RRBP1: variants seen among roughly 807,000 people sequenced by gnomAD.
RRBP1 encodes the protein ribosome binding protein 1, also known as ribosome-binding protein 1.
A neutral mutation model predicts 165.2 loss-of-function variants in RRBP1; 94 were observed. That is an observed-to-expected ratio of 0.57 (90% CI 0.48 to 0.68). The LOEUF is 0.68. Ranked by LOEUF, RRBP1 falls within the 30% of genes least tolerant of loss-of-function variation. RRBP1 has a pLI of 0.00. For missense variants in RRBP1, 1,676 were observed against 1,763.0 expected, an observed-to-expected ratio of 0.95 and a Z score of 0.88; for synonymous variants, 680 against 714.5, an observed-to-expected ratio of 0.95 and a Z score of 0.77.
chr20:17,615,597 C>T (rs1053908138), intron 22 of RRBP1, 68 bp from the exon 23 acceptor site: 14 of 1,343,126 alleles, frequency 1.0e-5, no homozygotes, highest in African/African-American at 3.0e-5. Flanking sequence ...AAGACCCTAC[C>T]GAGCACGCCT....
Position 17,662,672 on chromosome 20 carries a change from C to A in RRBP1, c.-21-2144G>T, listed in dbSNP as rs1019911837. 7.2e-5 allele frequency among the ~76,000 whole-genome samples: 11 copies of A among 152,284 alleles called. 1 individual carries two copies. Among genetic ancestry groups the A allele is most frequent in the Admixed American group, 5.2e-4 (8 of 15,298 alleles). ...ACCAGGAACTGGCCTTCCGAGAACA[C>A]ACTCTCAAGCTGGGTGTTAAAAAGG... On this transcript the variant is annotated intron_variant, in intron 2 of 24. Transcript: ENST00000377813.
At chr20:17,652,269 G>A (rs1347218490) in intron 3 of RRBP1, among the ~76,000 whole-genome samples, 1 of 152,230 alleles carries the variant, frequency 6.6e-6, no homozygotes, top group Non-Finnish European at 1.5e-5. Flanking sequence ...CTAGCCACAT[G>A]TGACTAGTAG....
At chr20:17,667,581 T>G (rs2036895995) in intron 2 of RRBP1, among the ~76,000 whole-genome samples, 2 of 152,222 alleles carry the variant, frequency 1.3e-5, no homozygotes, top group African/African-American at 2.4e-5. Context: ...CTGAATTTCA[T>G]GAATGTCTCC....
At chr20:17,625,357 C>A (rs1336347206) in intron 12 of RRBP1, among the ~76,000 whole-genome samples, 155 bp downstream of exon 12, 27 of 151,976 alleles carry the variant, frequency 1.8e-4, no homozygotes, top group Non-Finnish European at 3.4e-4. Context: ...GTAGAAGCAC[C>A]CCCCACACCC....
At chr20:17,672,666 C>T (rs2036999249) in intron 2 of RRBP1, among the ~76,000 whole-genome samples, 1 of 152,186 alleles carries the variant, frequency 6.6e-6, no homozygotes, top group Non-Finnish European at 1.5e-5. Context: ...AATTCTACTC[C>T]TAGGTATACA....
intron 3 of RRBP1, among the ~76,000 whole-genome samples, chr20:17,648,460 C>A (rs1439837470): frequency 6.6e-6 from 1 of 152,250 alleles, no homozygotes; most frequent in African/African-American, 2.4e-5. Flanking sequence ...CGCTGCTCAG[C>A]GCTCCTGACA....
In RRBP1 at chr20:17,618,630, C is replaced by T. The variant is rs1238923316; in HGVS notation, c.3725G>A (p.Ser1242Asn). 43 of 1,613,928 alleles carry T rather than the reference C, an allele frequency of 2.7e-5. No homozygotes were observed. The highest frequency in any genetic ancestry group is 3.5e-5 in the Non-Finnish European group (41 of 1,180,048). Reference protein sequence around the residue: ...ESQSQLDAAKSEAQKQSDELA... With the variant: ...ESQSQLDAAKNEAQKQSDELA... ...CTCATCGCTCTGTTTCTGGGCTTCG[C>T]TCTTGGCGGCATCGAGCTGAGATTG... Residue 1242 changes from serine (S) to asparagine (N), a missense_variant, in exon 20 of 25, where the codon AGC (serine) becomes AAC (asparagine). Transcript: ENST00000377813.
In RRBP1 at chr20:17,625,535, C is replaced by G. The variant is rs368486221; in HGVS notation, c.3031G>C (p.Glu1011Gln). 3.0e-5 allele frequency: 49 copies of G among 1,613,762 alleles called. No individual in the cohort carries two copies. The highest frequency in any genetic ancestry group is 3.9e-5 in the Non-Finnish European group (46 of 1,179,920). ...ACATTGTTCTTCACTTTCTGCTGCT[C>G]GACGGCCTCCCTGAGCTCGATGGCC... is the stretch of plus-strand genomic sequence containing the variant. ...KEAIELREAV[E>Q]QQKVKNNDLR... Residue 1011 changes from glutamate to glutamine, a missense_variant, in exon 12 of 25, where the codon GAG becomes CAG. Coordinates refer to ENST00000377813, the MANE Select transcript of RRBP1 (RefSeq NM_001365613.2).
chr20:17,650,911 A>G (rs939612675), intron 3 of RRBP1, among the ~76,000 whole-genome samples: 2 of 152,214 alleles, frequency 1.3e-5, no homozygotes, highest in African/African-American at 4.8e-5. Context: ...AAAAACCAAC[A>G]CCACTGCATA....
intron 7 of RRBP1, among the ~76,000 whole-genome samples, chr20:17,634,244 C>T (rs917571419): frequency 6.6e-6 from 1 of 152,204 alleles, no homozygotes; most frequent in Admixed American, 6.5e-5. Flanking sequence ...TGCCTCAAGG[C>T]CAAAGACTGA....
At chr20:17,651,507 G>C (rs1295509974) in intron 3 of RRBP1, among the ~76,000 whole-genome samples, 5 of 152,160 alleles carry the variant, frequency 3.3e-5, no homozygotes, top group African/African-American at 4.8e-5. Flanking sequence ...AGTCATGCTA[G>C]GGAATATTAT....
chr20:17,643,123 G>T lies in RRBP1; in HGVS notation c.1917C>A (p.Pro639=), dbSNP rs370306889. The change falls in exon 4 of 25, where the codon CCC becomes CCA. Residue 639 remains proline, a synonymous_variant. Coordinates refer to ENST00000377813, the MANE Select transcript of RRBP1 (RefSeq NM_001365613.2). This position sits in a 1 kb window ranked among gnomAD's most constrained non-coding sequence, Gnocchi z 4.3. The stretch of plus-strand genomic sequence containing the variant: ...GGTAGAGAGGGCCGTCGGCATCTGG[G>T]GGCCCTGTGCAGCAAGAGGGAAAGA... The part of the protein sequence containing the change: ...SGSKKKGEPG[P]PDADGPLYLP... The T allele has an allele frequency of 7.4e-6, 12 of 1,613,654 alleles. No homozygotes were observed. Among genetic ancestry groups the T allele is most frequent in the Non-Finnish European group, 8.5e-6 (10 of 1,179,984 alleles).
intron 21 of RRBP1, 108 bp from the exon 22 acceptor site, chr20:17,616,117 C>G: frequency 1.1e-6 from 1 of 889,480 alleles, no homozygotes; most frequent in Non-Finnish European, 1.7e-6. Flanking sequence ...TTCCCCTTTC[C>G]CTGCCCCAAC....
intron 20 of RRBP1, 67 bp from the exon 21 acceptor site, chr20:17,616,906 A>G (rs2035812750): frequency 7.9e-7 from 1 of 1,259,760 alleles, no homozygotes; most frequent in African/African-American, 1.5e-5. Flanking sequence ...TCACTCCTGC[A>G]GGGACCCCCT....
intron 2 of RRBP1, among the ~76,000 whole-genome samples, chr20:17,666,208 T>G (rs899348131): frequency 2.0e-5 from 3 of 152,182 alleles, no homozygotes; most frequent in Non-Finnish European, 4.4e-5. Flanking sequence ...CTACACTGAT[T>G]TAAATGTTTT....
chr20:17,636,555 C>T (rs751657623), intron 6 of RRBP1, 22 bp downstream of exon 6: 1 of 1,607,306 alleles, frequency 6.2e-7, no homozygotes, highest in South Asian at 1.1e-5. Flanking sequence ...CTTCCCATGC[C>T]CCCGCCAGCC....
intron 20 of RRBP1, among the ~76,000 whole-genome samples, chr20:17,617,224 T>C (rs1381330678): frequency 1.3e-5 from 2 of 152,236 alleles, no homozygotes; most frequent in Non-Finnish European, 2.9e-5. Flanking sequence ...CTCAGAGCCC[T>C]TTCCGGGGTC....
intron 9 of RRBP1, among the ~76,000 whole-genome samples, 189 bp downstream of exon 9, chr20:17,629,634 G>GC (rs904404809): frequency 3.3e-5 from 5 of 150,668 alleles, no homozygotes; most frequent in African/African-American, 7.3e-5. Flanking sequence ...GGCTGACTGC[G>GC]CCCCCCGCCA....
chr20:17,614,246 G>A (rs780249889), intron 24 of RRBP1, 26 bp from the exon 25 acceptor site: 1 of 1,610,700 alleles, frequency 6.2e-7, no homozygotes, highest in Admixed American at 1.7e-5. Context: ...GGTGGCGTGA[G>A]GGGGGCTGGG....
Sources: allele counts gnomAD v4.1 joint callset (sites outside exome capture counted in the v4.1 genomes callset), GRCh38; gene constraint gnomAD v4.1.1; non-coding constraint Gnocchi (gnomAD v3.1); transcripts MANE v1.5; gene names NCBI Gene and HGNC (gene_info 2026-07-23, HGNC 2026-07-21).